Variants in PTPRO observed in about 807,000 individuals in gnomAD.
The protein encoded by PTPRO is receptor-type tyrosine-protein phosphatase O.
PTPRO carries 62 observed loss-of-function variants against 145.2 expected under a neutral mutation model. The ratio of observed to expected loss-of-function variants is 0.43; its 90% CI spans 0.35 to 0.53. PTPRO has a LOEUF of 0.53. Among genes scored for constraint, PTPRO ranks in the 20% least tolerant of loss-of-function variants. The pLI, the probability that PTPRO is intolerant of heterozygous loss-of-function variation, is 0.01. For missense variants in PTPRO, 1,345 were observed against 1,482.7 expected, an observed-to-expected ratio of 0.91 and a Z score of 1.53; for synonymous variants, 565 against 514.7, an observed-to-expected ratio of 1.10 and a Z score of -1.32.
At chr12:15,380,262 G>T (rs1181462791) in intron 1 of PTPRO, among the ~76,000 whole-genome samples, 1 of 151,754 alleles carries the variant, frequency 6.6e-6, no homozygotes, top group African/African-American at 2.4e-5. Context: ...TTCCATCAGG[G>T]GCCATACACT....
chr12:15,421,317 C>T (rs546344537), intron 1 of PTPRO, among the ~76,000 whole-genome samples: 2 of 152,220 alleles, frequency 1.3e-5, no homozygotes, highest in East Asian at 3.9e-4. Flanking sequence ...TTCATTTAAG[C>T]TGTAATTCAC....
chr12:15,341,894 ATC>A (rs1403538873), intron 1 of PTPRO, among the ~76,000 whole-genome samples: 1 of 152,264 alleles, frequency 6.6e-6, no homozygotes, highest in Non-Finnish European at 1.5e-5. Flanking sequence ...AAAAATGACA[ATC>A]ATAATCACCT....
At chr12:15,436,563 A>T (rs910457591) in intron 1 of PTPRO, among the ~76,000 whole-genome samples, 1 of 152,170 alleles carries the variant, frequency 6.6e-6, no homozygotes, top group Non-Finnish European at 1.5e-5. Context: ...AAGAGAGAGC[A>T]CTTTGCTTCT....
intron 23 of PTPRO, among the ~76,000 whole-genome samples, chr12:15,583,444 A>G (rs1944363422): frequency 6.6e-6 from 1 of 151,866 alleles, no homozygotes; most frequent in Non-Finnish European, 1.5e-5. Flanking sequence ...GTGCCACTAC[A>G]CTTCAGCCTG....
intron 22 of PTPRO, 90 bp downstream of exon 22, chr12:15,580,921 A>G: frequency 6.6e-7 from 1 of 1,524,888 alleles, no homozygotes; most frequent in Non-Finnish European, 9.1e-7. Context: ...TCAAAGTCAA[A>G]TAAAACATAG....
At chr12:15,416,989 T>C (rs1465347608) in intron 1 of PTPRO, among the ~76,000 whole-genome samples, 6 of 151,716 alleles carry the variant, frequency 4.0e-5, no homozygotes, top group South Asian at 4.1e-4. Context: ...TGATTAGATG[T>C]AATTGATAGA....
At chr12:15,477,279 C>A in intron 1 of PTPRO, among the ~76,000 whole-genome samples, 1 of 131,002 alleles carries the variant, frequency 7.6e-6, no homozygotes, top group South Asian at 2.8e-4. Flanking sequence ...CATATTCTCA[C>A]ACATAGGTGG....
Position 15,560,294 on chromosome 12 carries a change from A to T in PTPRO, c.2711+18A>T, listed in dbSNP as rs757458066. ...AATCCTTGGTAAGTGATTTTTTTTT[A>T]CTGTTTAACACAAACTCTTTAAAAG... On this transcript the variant is annotated intron_variant, in intron 17 of 26. Coordinates refer to ENST00000281171, the MANE Select transcript of PTPRO (RefSeq NM_030667.3). The T allele has an allele frequency of 9.5e-6, 14 of 1,479,502 alleles. No individual in the cohort carries two copies. Among genetic ancestry groups the T allele is most frequent in the Non-Finnish European group, 1.3e-5 (14 of 1,059,566 alleles). 91.6% of individuals were successfully genotyped at this position (1,479,502 alleles called of 1,614,324 possible).
At chr12:15,499,400 TAGA>T (rs767016901) in intron 3 of PTPRO, 39 bp from the exon 4 acceptor site, 6 of 1,586,842 alleles carry the variant, frequency 3.8e-6, no homozygotes, top group Non-Finnish European at 8.7e-7. Context: ...GTGTGATGTT[TAGA>T]AGACCATATT....
At chr12:15,402,786 A>G (rs912353683) in intron 1 of PTPRO, among the ~76,000 whole-genome samples, 11 of 152,196 alleles carry the variant, frequency 7.2e-5, no homozygotes, top group Non-Finnish European at 1.2e-4. Context: ...AGAGAATAAT[A>G]AGAGAATAGT....
chr12:15,441,585 G>C (rs1591815005), intron 1 of PTPRO, among the ~76,000 whole-genome samples: 1 of 151,910 alleles, frequency 6.6e-6, no homozygotes, highest in Non-Finnish European at 1.5e-5. Context: ...TTCTTTGAAA[G>C]GATAAACAAG....
intron 1 of PTPRO, among the ~76,000 whole-genome samples, chr12:15,375,050 C>T (rs1176561824): frequency 6.6e-6 from 1 of 152,188 alleles, no homozygotes; most frequent in Non-Finnish European, 1.5e-5. Context: ...TCACAGTATT[C>T]TAAAAAATAT....
intron 12 of PTPRO, among the ~76,000 whole-genome samples, chr12:15,528,298 C>T (rs1025259179): frequency 7.3e-5 from 11 of 150,080 alleles, no homozygotes; most frequent in East Asian, 2.0e-4. Flanking sequence ...GGGCAGATCA[C>T]GAGGTCAGGA....
chr12:15,395,433 T>C (rs1433380573), intron 1 of PTPRO, among the ~76,000 whole-genome samples: 2 of 152,082 alleles, frequency 1.3e-5, no homozygotes, highest in African/African-American at 4.8e-5. Flanking sequence ...ATCACAAACA[T>C]AAGTCAAAAT....
intron 1 of PTPRO, among the ~76,000 whole-genome samples, chr12:15,368,154 C>T (rs1938419738): frequency 6.6e-6 from 1 of 152,166 alleles, no homozygotes; most frequent in Non-Finnish European, 1.5e-5. Flanking sequence ...ACCTGGTTCA[C>T]TCCATTCCTG....
chr12:15,569,312 C>G (rs112064680), intron 18 of PTPRO, 105 bp from the exon 19 acceptor site: 7 of 1,079,148 alleles, frequency 6.5e-6, no homozygotes, highest in Non-Finnish European at 6.8e-6. Flanking sequence ...AGAAGTAAAA[C>G]TTCTATTTTC....
intron 2 of PTPRO, among the ~76,000 whole-genome samples, chr12:15,496,893 T>G (rs1942118384): frequency 1.3e-5 from 2 of 152,210 alleles, no homozygotes; most frequent in South Asian, 4.1e-4. Flanking sequence ...AGATACAGAC[T>G]GTCATGTACT....
At chr12:15,566,800 C>A (rs926029111) in intron 18 of PTPRO, among the ~76,000 whole-genome samples, 3 of 152,086 alleles carry the variant, frequency 2.0e-5, no homozygotes, top group African/African-American at 7.2e-5. Flanking sequence ...GGATTACAGG[C>A]ATGAGGCACC....
rs535216244 is a variant in PTPRO, at chr12:15,503,957, T to C, written c.1155T>C (p.Val385=). 4 of 1,593,784 alleles carry C rather than the reference T, an allele frequency of 2.5e-6. No individual in the cohort carries two copies. ...LMVDEEAHEF[V]AELKEPGKYK... ...TGGATGAAGAAGCACATGAATTTGT[T>C]GCAGAACTGAAGGAACCTGGGAAAT... The change falls in exon 6 of 27, where the codon GTT becomes GTC. Residue 385 remains valine (V), a synonymous_variant. Transcript: ENST00000281171.
Sources: allele counts gnomAD v4.1 joint callset (sites outside exome capture counted in the v4.1 genomes callset), GRCh38; gene constraint gnomAD v4.1.1; transcripts MANE v1.5; gene names NCBI Gene and HGNC (gene_info 2026-07-23, HGNC 2026-07-21).